The following KATNIP variants were observed in gnomAD, a reference collection of about 807,000 sequenced individuals.
The protein encoded by KATNIP is katanin interacting protein.
A neutral mutation model predicts 174.0 loss-of-function variants in KATNIP; 126 were observed. The observed-to-expected ratio is 0.72, with a 90% CI of 0.63 to 0.84. The LOEUF is 0.84. Among genes scored for constraint, KATNIP ranks in the 40% least tolerant of loss-of-function variants. The probability of loss-of-function intolerance (pLI) is 0.00; values close to 1 mark genes in which losing one functional copy is unlikely to be tolerated. For missense variants in KATNIP, 1,958 were observed against 2,109.7 expected (o/e 0.93, Z 1.41); for synonymous variants, 810 against 835.7 (o/e 0.97, Z 0.53).
chr16:27,746,429 T>G (rs1294394210), intron 15 of KATNIP, among the ~76,000 whole-genome samples: 3 of 152,218 alleles, frequency 2.0e-5, no homozygotes, highest in Non-Finnish European at 4.4e-5. Flanking sequence ...GGTATCTTTT[T>G]AAATGGCAGA....
chr16:27,715,285 A>G (rs2079879445), intron 13 of KATNIP, among the ~76,000 whole-genome samples: 1 of 152,228 alleles, frequency 6.6e-6, no homozygotes, highest in Non-Finnish European at 1.5e-5. Flanking sequence ...ATGCAAAACT[A>G]ACTCAATGGA....
At chr16:27,647,406 A>G (rs1216962816) in intron 5 of KATNIP, among the ~76,000 whole-genome samples, 1 of 151,702 alleles carries the variant, frequency 6.6e-6, no homozygotes, top group African/African-American at 2.4e-5. Context: ...CAGTAGTGTG[A>G]TCTTGGCTCA....
At chr16:27,750,411 TTC>T (rs1284610599) in intron 16 of KATNIP, 105 bp downstream of exon 16, 10 of 1,159,462 alleles carry the variant, frequency 8.6e-6, no homozygotes, top group Non-Finnish European at 1.2e-5. Flanking sequence ...GATCAGTCCT[TTC>T]TCTTTCTTTT....
At chr16:27,653,119 G>A (rs233468) in intron 6 of KATNIP, among the ~76,000 whole-genome samples, 125,722 of 152,158 alleles carry the variant, frequency 0.83, 52,195 homozygotes, top group East Asian at 1. Flanking sequence ...ACTAAAAATG[G>A]CATATTTCAT....
intron 2 of KATNIP, among the ~76,000 whole-genome samples, chr16:27,610,691 C>G (rs2075866178): frequency 6.6e-6 from 1 of 152,152 alleles, no homozygotes; most frequent in South Asian, 2.1e-4. Flanking sequence ...AACCAACAAC[C>G]AGCAGTTGAT....
intron 21 of KATNIP, 92 bp from the exon 22 acceptor site, chr16:27,771,495 AT>A: frequency 8.0e-7 from 1 of 1,246,602 alleles, no homozygotes. Flanking sequence ...CTAAACTGCC[AT>A]GTTTCTTCAA....
intron 2 of KATNIP, among the ~76,000 whole-genome samples, chr16:27,592,081 G>A (rs1018183278): frequency 2.0e-5 from 3 of 152,052 alleles, no homozygotes; most frequent in Non-Finnish European, 4.4e-5. Context: ...CCTGGGAGAC[G>A]ACCAAGGACA....
chr16:27,774,596 C>T (rs1402372932), intron 23 of KATNIP, among the ~76,000 whole-genome samples: 2 of 152,182 alleles, frequency 1.3e-5, no homozygotes, highest in African/African-American at 2.4e-5. Context: ...CCATTCCCTT[C>T]CAAAAGAAAA....
At chr16:27,645,425 G>A (rs1002508480) in intron 5 of KATNIP, among the ~76,000 whole-genome samples, 12 of 152,202 alleles carry the variant, frequency 7.9e-5, no homozygotes, top group African/African-American at 1.2e-4. Context: ...GCATGCCGGA[G>A]TCTAGAACCT....
intron 6 of KATNIP, among the ~76,000 whole-genome samples, chr16:27,656,595 A>T (rs2077295655): frequency 6.6e-6 from 1 of 151,418 alleles, no homozygotes; most frequent in Non-Finnish European, 1.5e-5. Context: ...TACACCATGG[A>T]ATACTATGCA....
At chr16:27,670,633 G>C (rs2077862046) in intron 6 of KATNIP, among the ~76,000 whole-genome samples, 1 of 152,152 alleles carries the variant, frequency 6.6e-6, no homozygotes, top group African/African-American at 2.4e-5. Flanking sequence ...GTTTGTCATT[G>C]GCTTTTGGGA....
intron 13 of KATNIP, among the ~76,000 whole-genome samples, chr16:27,720,807 G>A (rs1322618332): frequency 6.6e-6 from 1 of 152,306 alleles, no homozygotes; most frequent in Admixed American, 6.5e-5. Flanking sequence ...TTTGGGAGCA[G>A]CTGTGAGTTT....
In KATNIP at chr16:27,602,474, G is replaced by A. The variant is rs535838333; in HGVS notation, c.64-15951G>A. ...GCTGAGCCTCCTGGCCTCTGCACTC[G>A]CTGTTCCTGCCATCTGAAAGCCCCT... is the stretch of plus-strand genomic sequence containing the variant. On this transcript the variant is annotated intron_variant, in intron 2 of 27. Coordinates refer to ENST00000261588, the MANE Select transcript of KATNIP (RefSeq NM_015202.5). Among the ~76,000 whole-genome samples the A allele has an allele frequency of 5.3e-5, 8 of 152,262 alleles. No homozygotes were observed. In the South Asian group the frequency reaches 1.7e-3, roughly 32 times the overall value.
At position 27,773,154 on chromosome 16, in the gene KATNIP, C is replaced by T. The variant is rs1428149478; in HGVS notation, c.4254C>T (p.Leu1418=). 2 of 1,612,702 alleles carry T rather than the reference C, an allele frequency of 1.2e-6. No homozygotes were observed. Among genetic ancestry groups the T allele is most frequent in the African/African-American group, 1.3e-5 (1 of 74,904 alleles). ...GGGGCGACCCCTACTACATCGGCCTCACCGGCCTGGAGCTGTATGACGAGC... is the reference window on the plus strand; with the variant it reads ...GGGGCGACCCCTACTACATCGGCCTTACCGGCCTGGAGCTGTATGACGAGC... ...TSWGDPYYIG[L]TGLELYDERG... is the part of the protein sequence containing the mutation. The change falls in exon 23 of 28, where the codon CTC becomes CTT. Residue 1418 remains leucine (L), a synonymous_variant. Coordinates refer to ENST00000261588, the MANE Select transcript of KATNIP (RefSeq NM_015202.5).
intron 2 of KATNIP, among the ~76,000 whole-genome samples, chr16:27,601,200 A>G (rs2075512531): frequency 6.6e-6 from 1 of 151,920 alleles, no homozygotes; most frequent in Non-Finnish European, 1.5e-5. Flanking sequence ...CTCCTTGTAC[A>G]TGCCAGGAAC....
intron 3 of KATNIP, among the ~76,000 whole-genome samples, chr16:27,627,191 A>G (rs895453169): frequency 6.6e-6 from 1 of 152,204 alleles, no homozygotes; most frequent in African/African-American, 2.4e-5. Context: ...CAGCTGATAT[A>G]GAACAAGGCA....
intron 2 of KATNIP, among the ~76,000 whole-genome samples, chr16:27,590,977 G>A (rs2075142710): frequency 6.6e-6 from 1 of 152,140 alleles, no homozygotes; most frequent in Non-Finnish European, 1.5e-5. Context: ...CATTTCTGTG[G>A]ACTCGGGTAG....
At chr16:27,767,996 C>T (rs1159935084) in intron 20 of KATNIP, among the ~76,000 whole-genome samples, 1 of 152,170 alleles carries the variant, frequency 6.6e-6, no homozygotes, top group Non-Finnish European at 1.5e-5. Flanking sequence ...GCTTCTGTGA[C>T]CTGAATTCAC....
intron 2 of KATNIP, among the ~76,000 whole-genome samples, chr16:27,579,350 C>G (rs1373139845): frequency 6.6e-6 from 1 of 152,158 alleles, no homozygotes; most frequent in Non-Finnish European, 1.5e-5. Flanking sequence ...GCCTCAAATC[C>G]CAGCTGTGTG....
Sources: allele counts gnomAD v4.1 joint callset (sites outside exome capture counted in the v4.1 genomes callset), GRCh38; gene constraint gnomAD v4.1.1; transcripts MANE v1.5; gene names NCBI Gene and HGNC (gene_info 2026-07-23, HGNC 2026-07-21).